The following SLC22A23 variants were observed in gnomAD, a reference collection of about 807,000 sequenced individuals.
SLC22A23 encodes ion transporter protein.
In SLC22A23, 26 loss-of-function variants were observed where a neutral mutation model predicts 61.0. The ratio of observed to expected loss-of-function variants is 0.43; its 90% CI spans 0.31 to 0.59. The LOEUF (loss-of-function observed/expected upper bound fraction) is 0.59. Ranked by LOEUF, SLC22A23 falls within the 20% of genes least tolerant of loss-of-function variation. The probability of loss-of-function intolerance (pLI) is 0.11; values close to 1 mark genes in which losing one functional copy is unlikely to be tolerated. For synonymous variants in SLC22A23, 430 were observed against 413.9 expected (o/e 1.04, Z -0.47); for missense variants, 796 against 934.7 (o/e 0.85, Z 1.94).
intron 3 of SLC22A23, among the ~76,000 whole-genome samples, chr6:3,364,915 C>CA: frequency 6.6e-6 from 1 of 151,874 alleles, no homozygotes; most frequent in Non-Finnish European, 1.5e-5. Flanking sequence ...AGGGGGACGG[C>CA]AAAAAAGTGC....
intron 3 of SLC22A23, among the ~76,000 whole-genome samples, chr6:3,343,160 G>A (rs1359546752): frequency 1.3e-5 from 2 of 152,166 alleles, no homozygotes; most frequent in Non-Finnish European, 2.9e-5. Flanking sequence ...ACAAAGCTGC[G>A]TCCTGCATCT....
Position 3,360,506 on chromosome 6 carries a change from G to C in SLC22A23, c.914-36504C>G, listed in dbSNP as rs904463785. Among the ~76,000 whole-genome samples the C allele has an allele frequency of 3.3e-5, 5 of 152,212 alleles. No individual in the cohort carries two copies. The highest frequency in any genetic ancestry group is 7.3e-5 in the Non-Finnish European group (5 of 68,038). On this transcript the variant is annotated intron_variant, in intron 3 of 9. Transcript: ENST00000406686. This position sits in a 1 kb window ranked among gnomAD's most constrained non-coding sequence, Gnocchi z 4.6. Reference sequence around the variant, plus strand: ...TTTGTCTCATCTGCCTTAAAATACAGAACTGCATTCTCATAGTCGGGTTTC... The same window carrying C: ...TTTGTCTCATCTGCCTTAAAATACACAACTGCATTCTCATAGTCGGGTTTC...
intron 3 of SLC22A23, among the ~76,000 whole-genome samples, chr6:3,393,773 A>T (rs948763016): frequency 6.6e-6 from 1 of 152,240 alleles, no homozygotes; most frequent in Non-Finnish European, 1.5e-5. Flanking sequence ...ATAGCTTCTC[A>T]GCGGGTAATT....
chr6:3,339,832 C>T (rs1380930318), intron 3 of SLC22A23, among the ~76,000 whole-genome samples: 1 of 152,220 alleles, frequency 6.6e-6, no homozygotes, highest in African/African-American at 2.4e-5. Context: ...TGCGGCTGCT[C>T]TGTCTATGGA....
chr6:3,280,691 G>A (rs1297853758), intron 9 of SLC22A23, among the ~76,000 whole-genome samples: 1 of 151,794 alleles, frequency 6.6e-6, no homozygotes, highest in African/African-American at 2.4e-5. Context: ...TAGAGACGGG[G>A]TTTCATCGTG....
chr6:3,391,471 T>G (rs1295452029), intron 3 of SLC22A23, among the ~76,000 whole-genome samples: 1 of 152,266 alleles, frequency 6.6e-6, no homozygotes, highest in Non-Finnish European at 1.5e-5. Context: ...GAATCACATA[T>G]GTATATCTAT....
chr6:3,285,660 G>C (rs1759924017), intron 7 of SLC22A23, among the ~76,000 whole-genome samples: 1 of 152,222 alleles, frequency 6.6e-6, no homozygotes, highest in Non-Finnish European at 1.5e-5. Flanking sequence ...AGGGAGACAG[G>C]CGCCACGTGT....
intron 1 of SLC22A23, among the ~76,000 whole-genome samples, chr6:3,437,183 C>T (rs935534626): frequency 4.6e-5 from 7 of 151,810 alleles, no homozygotes; most frequent in Non-Finnish European, 7.4e-5. Context: ...AGAAGGCAAA[C>T]GAGAAATGAA....
Position 3,329,368 on chromosome 6 carries a change from T to G in SLC22A23, c.914-5366A>C, listed in dbSNP as rs148597325. ...TGAATGCTTATGACCATAGAGAGAA[T>G]ATACATTTTCTTGGGATTGCTAAGT... On this transcript the variant is annotated intron_variant, in intron 3 of 9. Transcript: ENST00000406686. The surrounding 1 kb of genome is among the most constrained non-coding windows in gnomAD (Gnocchi z 4.8). 2.6e-4 allele frequency among the ~76,000 whole-genome samples: 40 copies of G among 152,350 alleles called. 1 individual carries two copies. In the East Asian group the frequency reaches 7.3e-3, roughly 28 times the overall value.
chr6:3,453,249 T>G (rs1471858483), intron 1 of SLC22A23, among the ~76,000 whole-genome samples: 1 of 152,158 alleles, frequency 6.6e-6, no homozygotes, highest in Non-Finnish European at 1.5e-5. Flanking sequence ...AAATAATTTT[T>G]TAAAAAAAAT....
chr6:3,292,418 G>A (rs1760685018), intron 5 of SLC22A23, among the ~76,000 whole-genome samples: 1 of 152,124 alleles, frequency 6.6e-6, no homozygotes, highest in African/African-American at 2.4e-5. Context: ...ATGGGCAACA[G>A]GGAGCCCGGC....
chr6:3,439,431 C>T (rs997910684), intron 1 of SLC22A23: 27 of 375,366 alleles, frequency 7.2e-5, no homozygotes, highest in South Asian at 4.7e-4. Flanking sequence ...GCCCGTTCCA[C>T]GTGAAGAAAA....
intron 9 of SLC22A23, 121 bp downstream of exon 9, chr6:3,283,731 C>T: frequency 6.5e-7 from 1 of 1,528,658 alleles, no homozygotes; most frequent in Non-Finnish European, 8.8e-7. Flanking sequence ...AACCACGAAG[C>T]TGATGTGTCC....
At chr6:3,278,893 T>C (rs11963015) in intron 9 of SLC22A23, among the ~76,000 whole-genome samples, 15,419 of 152,006 alleles carry the variant, frequency 0.1, 2,070 homozygotes, top group African/African-American at 0.31. Context: ...TGACAAGCAG[T>C]GAGAGGACTC....
intron 3 of SLC22A23, among the ~76,000 whole-genome samples, chr6:3,349,967 G>T (rs144581355): frequency 1.3e-5 from 2 of 152,322 alleles, no homozygotes; most frequent in East Asian, 3.9e-4. Flanking sequence ...CCTCTTGGGG[G>T]CTAAGTACAT....
chr6:3,287,157 G>C, intron 6 of SLC22A23, 66 bp from the exon 7 acceptor site: 1 of 1,478,712 alleles, frequency 6.8e-7, no homozygotes, highest in Non-Finnish European at 9.3e-7. Flanking sequence ...CTGCCTCCTG[G>C]GAGTTCGTGC....
rs186651370 is a variant in SLC22A23 at position 3,353,160 on chromosome 6, A to G, written c.914-29158T>C. 2.7e-3 allele frequency among the ~76,000 whole-genome samples: 416 copies of G among 152,370 alleles called. 2 individuals carry two copies. Among genetic ancestry groups the G allele is most frequent in the African/African-American group, 9.2e-3 (384 of 41,576 alleles). ...TAAGTATTATTACTTCCCTGCTCACAGGAATAATCTGTTATTCTTGGAGAT... is the reference window on the plus strand; with the variant it reads ...TAAGTATTATTACTTCCCTGCTCACGGGAATAATCTGTTATTCTTGGAGAT... On this transcript the variant is annotated intron_variant, in intron 3 of 9. Transcript: ENST00000406686.
At position 3,364,054 on chromosome 6, in the gene SLC22A23, A is replaced by T. The variant is rs548483323; in HGVS notation, c.914-40052T>A. ...CTCTGGCATGGTCTGACATTTGTGCATCTCACCCAATAGAGCTTTTGCCTT... is the reference window on the plus strand; with the variant it reads ...CTCTGGCATGGTCTGACATTTGTGCTTCTCACCCAATAGAGCTTTTGCCTT... On this transcript the variant is annotated intron_variant, in intron 3 of 9. Transcript: ENST00000406686. Among the ~76,000 whole-genome samples the T allele has an allele frequency of 3.9e-5, 6 of 152,364 alleles. No individual in the cohort carries two copies. In the East Asian group the frequency reaches 1.2e-3, roughly 29 times the overall value.
rs1254216480 is a variant in SLC22A23, at chr6:3,305,129, C to T, written c.1083-6911G>A. ...CAGACACTGTCCCACCAGTGTCCCC[C>T]GTGTGTGATGCTTGCAAGTCCATGA... On this transcript the variant is annotated intron_variant, in intron 4 of 9. Transcript: ENST00000406686. 5.9e-5 allele frequency among the ~76,000 whole-genome samples: 9 copies of T among 152,264 alleles called. 1 individual carries two copies. The highest frequency in any genetic ancestry group is 4.1e-4 in the South Asian group (2 of 4,824).
Sources: gnomAD v4.1 joint callset for allele counts (sites outside exome capture counted in the v4.1 genomes callset) on GRCh38, gnomAD v4.1.1 for gene constraint, Gnocchi (gnomAD v3.1) non-coding constraint, MANE v1.5 for transcripts, NCBI Gene and HGNC (gene_info 2026-07-23, HGNC 2026-07-21) for gene names.